The following TXNRD2 variants were observed in gnomAD, a reference collection of about 807,000 sequenced individuals.
The protein encoded by TXNRD2 is thioredoxin reductase 2, mitochondrial.
A neutral mutation model predicts 70.8 loss-of-function variants in TXNRD2; 67 were observed. That is an observed-to-expected ratio of 0.95 (90% confidence interval 0.78 to 1.16). The LOEUF (loss-of-function observed/expected upper bound fraction) is 1.16, where lower values mean the gene tolerates loss of function less well. Among genes scored for constraint, TXNRD2 ranks in the 50% most tolerant of loss-of-function variants. The probability of loss-of-function intolerance (pLI) is 0.00; values close to 1 mark genes in which losing one functional copy is unlikely to be tolerated. For synonymous variants in TXNRD2, 301 were observed against 295.8 expected, an observed-to-expected ratio of 1.02 and a Z score of -0.18; for missense variants, 644 against 719.9, an observed-to-expected ratio of 0.89 and a Z score of 1.21.
intron 2 of TXNRD2, among the ~76,000 whole-genome samples, chr22:19,929,931 G>T (rs537913408): frequency 6.6e-6 from 1 of 152,332 alleles, no homozygotes; most frequent in South Asian, 2.1e-4. Context: ...GACATACCCA[G>T]GAGCTGTCCA....
chr22:19,923,427 C>G (rs768418877), intron 2 of TXNRD2, among the ~76,000 whole-genome samples: 1 of 152,088 alleles, frequency 6.6e-6, no homozygotes, highest in Non-Finnish European at 1.5e-5. Context: ...GGGCAGCTCT[C>G]GACCTGTCCT....
At chr22:19,880,792 G>A in intron 12 of TXNRD2, 75 bp from the exon 13 acceptor site, 3 of 1,069,852 alleles carry the variant, frequency 2.8e-6, no homozygotes, top group Non-Finnish European at 4.2e-6. Flanking sequence ...ATCACCCTTT[G>A]CCCTCCGAGT....
At chr22:19,891,958 G>A (rs558654929) in intron 11 of TXNRD2, among the ~76,000 whole-genome samples, 3 of 152,254 alleles carry the variant, frequency 2.0e-5, no homozygotes, top group African/African-American at 7.2e-5. Context: ...CGCCAGCTGC[G>A]GCCAGGCGCC....
intron 2 of TXNRD2, among the ~76,000 whole-genome samples, chr22:19,927,547 G>A (rs1036226555): frequency 6.6e-6 from 1 of 151,140 alleles, no homozygotes; most frequent in Non-Finnish European, 1.5e-5. Flanking sequence ...CCAGCCACTC[G>A]GGAGGCTGAG....
Position 19,883,246 on chromosome 22 carries a change from G to T in TXNRD2, c.1086+79C>A, listed in dbSNP as rs540547370. ...AAGTGTCGTTTCTCTCCTACAGGAC[G>T]GCAGCAGCCGGAGCCCAGCGAGCAG... On this transcript the variant is annotated intron_variant, in intron 12 of 17. Coordinates refer to ENST00000400521, the MANE Select transcript of TXNRD2 (RefSeq NM_006440.5). 198 of 1,556,814 alleles carry T rather than the reference G, an allele frequency of 1.3e-4. 2 individuals carry two copies. The South Asian group carries it at 2.2e-3, about 17-fold the overall frequency.
chr22:19,897,974 G>A (rs1569083042), intron 10 of TXNRD2, 65 bp downstream of exon 10: 1 of 1,371,242 alleles, frequency 7.3e-7, no homozygotes, highest in East Asian at 2.5e-5. Context: ...GCACCTGCCT[G>A]GGAGGGGGCT....
chr22:19,883,730 G>T (rs889518158), intron 11 of TXNRD2: 25 of 447,958 alleles, frequency 5.6e-5, no homozygotes, highest in African/African-American at 5.0e-4. Context: ...GAGGCAAGTG[G>T]ATCACCTGAG....
At chr22:19,941,626 G>A (rs1047650911) in intron 1 of TXNRD2, 75 bp downstream of exon 1, 56 of 1,366,530 alleles carry the variant, frequency 4.1e-5, no homozygotes, top group Middle Eastern at 5.4e-4. Flanking sequence ...CCTGGCCACC[G>A]CCGCGCGGAC....
intron 11 of TXNRD2, chr22:19,893,798 G>T (rs56312415): frequency 6.6e-6 from 1 of 152,222 alleles, no homozygotes; most frequent in South Asian, 2.1e-4. Context: ...GGAAGCCTTC[G>T]AAATGTGACT....
chr22:19,928,968 T>C (rs1439151133), intron 2 of TXNRD2, among the ~76,000 whole-genome samples: 1 of 147,688 alleles, frequency 6.8e-6, no homozygotes, highest in Non-Finnish European at 1.5e-5. Context: ...ATCTCACCAC[T>C]GCACTCCAGC....
At position 19,926,504 on chromosome 22, in the gene TXNRD2, C is replaced by T. The variant is rs542015224; in HGVS notation, c.172+4526G>A. Among the ~76,000 whole-genome samples, 23 of 151,222 alleles carry T rather than the reference C, an allele frequency of 1.5e-4. No individual in the cohort carries two copies. The South Asian group carries it at 1.9e-3, about 12-fold the overall frequency. On this transcript the variant is annotated intron_variant, in intron 2 of 17. Coordinates refer to ENST00000400521, the MANE Select transcript of TXNRD2 (RefSeq NM_006440.5). Reference sequence around the variant, plus strand: ...GACTCCATCTCAAAAAACAAAACAACGGCGGCTCACACCTGTTAATCCCAA... The same window carrying T: ...GACTCCATCTCAAAAAACAAAACAATGGCGGCTCACACCTGTTAATCCCAA...
rs200981451 is a variant in TXNRD2 at position 19,895,509 on chromosome 22, G to A, written c.847C>T (p.Arg283Trp). 3.5e-5 allele frequency: 57 copies of A among 1,613,848 alleles called. No individual in the cohort carries two copies. The highest frequency in any genetic ancestry group is 5.5e-5 in the South Asian group (5 of 91,088). Residue 283 changes from arginine to tryptophan, a missense_variant, in exon 11 of 18, where the codon CGG becomes TGG. By Grantham distance (101) the Arg-to-Trp change is moderately radical. Coordinates refer to ENST00000400521, the MANE Select transcript of TXNRD2 (RefSeq NM_006440.5). ...TRFLRGCAPS[R>W]VRRLPDGQLQ... The stretch of plus-strand genomic sequence containing the variant: ...TGGCCATCAGGGAGCCTCCTGACCC[G>A]CGAGGGGGCACAGCCCCTCAGGAAC...
chr22:19,941,789 C>G lies in TXNRD2; in HGVS notation c.15G>C (p.Ala5=). 1.3e-6 allele frequency: 2 copies of G among 1,532,986 alleles called. No individual in the cohort carries two copies. The highest frequency in any genetic ancestry group is 1.2e-5 in the South Asian group (1 of 82,970). The allele number at this position is 1,532,986 out of a possible 1,614,324, so 95.0% of individuals were successfully genotyped here. ...GCCCTCCTAATCCCCGCAGCGCCAC[C>G]GCCATTGCCGCCATCGTCGTGGGGC... MAAM[A]VALRGLGGRF... The change falls in exon 1 of 18, where the codon GCG becomes GCC. Residue 5 remains alanine, a synonymous_variant. Coordinates refer to ENST00000400521, the MANE Select transcript of TXNRD2 (RefSeq NM_006440.5).
At chr22:19,918,589 G>A (rs141676533) in intron 4 of TXNRD2, among the ~76,000 whole-genome samples, 40 of 152,286 alleles carry the variant, frequency 2.6e-4, no homozygotes, top group African/African-American at 9.1e-4. Flanking sequence ...CCTGGCCTTG[G>A]AGATGCACTG....
intron 1 of TXNRD2, chr22:19,933,519 CTCTG>C (rs745536515): frequency 7.8e-7 from 1 of 1,288,720 alleles, no homozygotes; most frequent in East Asian, 5.6e-5. Flanking sequence ...ACTGTGCCCC[CTCTG>C]TCTGCTATCA....
intron 4 of TXNRD2, 24 bp downstream of exon 4, chr22:19,918,836 A>G (rs773120902): frequency 1.2e-6 from 2 of 1,603,040 alleles, no homozygotes; most frequent in Admixed American, 1.7e-5. Flanking sequence ...AAAGCACTGG[A>G]ATGCCACGGC....
chr22:19,901,041 A>G (rs1388419030), intron 8 of TXNRD2, among the ~76,000 whole-genome samples: 1 of 152,172 alleles, frequency 6.6e-6, no homozygotes, highest in Non-Finnish European at 1.5e-5. Context: ...TGGGCCCTGC[A>G]GCTGCAGGAT....
intron 2 of TXNRD2, among the ~76,000 whole-genome samples, chr22:19,930,062 G>A (rs1236103840): frequency 6.6e-6 from 1 of 152,152 alleles, no homozygotes; most frequent in Non-Finnish European, 1.5e-5. Flanking sequence ...GGCTGCCTGC[G>A]CCATCGTTTC....
chr22:19,940,860 C>T, intron 1 of TXNRD2, among the ~76,000 whole-genome samples: 1 of 152,190 alleles, frequency 6.6e-6, no homozygotes, highest in East Asian at 1.9e-4. Context: ...ACCCCCAAAA[C>T]CTCCATAGCA....
Sources: allele counts gnomAD v4.1 joint callset (sites outside exome capture counted in the v4.1 genomes callset), GRCh38; gene constraint gnomAD v4.1.1; transcripts MANE v1.5; gene names NCBI Gene and HGNC (gene_info 2026-07-23, HGNC 2026-07-21).